Variants in SLC9B1 observed in about 807,000 individuals in gnomAD.
The protein encoded by SLC9B1 is sodium/hydrogen exchanger 9B1.
Under a neutral mutation model 51.7 loss-of-function variants are expected in SLC9B1, and 32 were observed. That is an observed-to-expected ratio of 0.62 (90% CI 0.47 to 0.83). The LOEUF (loss-of-function observed/expected upper bound fraction) is 0.83, where lower values mean the gene tolerates loss of function less well. Among genes scored for constraint, SLC9B1 ranks in the 40% least tolerant of loss-of-function variants. The probability of loss-of-function intolerance (pLI) is 0.00; values close to 1 mark genes in which losing one functional copy is unlikely to be tolerated. For missense variants in SLC9B1, 406 were observed against 613.2 expected, an observed-to-expected ratio of 0.66 and a Z score of 3.57; for synonymous variants, 145 against 212.7, an observed-to-expected ratio of 0.68 and a Z score of 2.77.
At chr4:102,960,946 G>A (rs1418460082) in intron 3 of SLC9B1, among the ~76,000 whole-genome samples, 1 of 151,916 alleles carries the variant, frequency 6.6e-6, no homozygotes, top group South Asian at 2.1e-4. Context: ...TGGTCAGGCT[G>A]CTCTTGAACT....
At chr4:102,971,339 C>T (rs1172820582) in intron 3 of SLC9B1, among the ~76,000 whole-genome samples, 1 of 152,156 alleles carries the variant, frequency 6.6e-6, no homozygotes, top group East Asian at 1.9e-4. Context: ...GAAACTCACT[C>T]AAAACCACAG....
At chr4:102,975,904 T>C (rs1296495329) in intron 3 of SLC9B1, among the ~76,000 whole-genome samples, 1 of 151,798 alleles carries the variant, frequency 6.6e-6, no homozygotes, top group African/African-American at 2.4e-5. Flanking sequence ...TGCATAAATA[T>C]GATATCTTGG....
At chr4:102,940,943 T>A (rs1053550564) in intron 6 of SLC9B1, among the ~76,000 whole-genome samples, 6 of 152,110 alleles carry the variant, frequency 3.9e-5, no homozygotes, top group Non-Finnish European at 7.4e-5. Context: ...GAAACTGGAC[T>A]CCATACGTTT....
chr4:102,962,924 T>C, intron 3 of SLC9B1: 1 of 465,922 alleles, frequency 2.1e-6, no homozygotes, highest in East Asian at 6.9e-5. Context: ...ACCTGAAATA[T>C]TTTTTTACCC....
downstream of SLC9B1, chr4:102,898,330 G>T (rs776708782): frequency 5.5e-5 from 17 of 309,400 alleles, no homozygotes; most frequent in Non-Finnish European, 9.3e-5. Context: ...GAAAAAATTT[G>T]TAAAGTATAA....
At chr4:102,965,859 A>C (rs759686407) in intron 3 of SLC9B1, among the ~76,000 whole-genome samples, 9 of 152,234 alleles carry the variant, frequency 5.9e-5, no homozygotes, top group Non-Finnish European at 1.0e-4. Flanking sequence ...GTCCCATTCC[A>C]AAAGGGAGAA....
At chr4:103,006,062 C>T (rs1740767586) in intron 1 of SLC9B1, among the ~76,000 whole-genome samples, 1 of 151,822 alleles carries the variant, frequency 6.6e-6, no homozygotes, top group Non-Finnish European at 1.5e-5. Context: ...CAAACCAACC[C>T]CAAGGTTAGC....
intron 6 of SLC9B1, among the ~76,000 whole-genome samples, chr4:102,943,506 T>TACACACACACACACACACACAC (rs373442152): frequency 1.1e-4 from 16 of 145,592 alleles, no homozygotes; most frequent in South Asian, 6.6e-4. Context: ...TGTGTATGTA[T>TACACACACACACACACACACAC]ACACACACAC....
At chr4:102,903,385 C>T (rs1270468594) in intron 11 of SLC9B1, among the ~76,000 whole-genome samples, 2 of 152,096 alleles carry the variant, frequency 1.3e-5, no homozygotes. Context: ...CACCATATGC[C>T]AGAGAGAGTG....
intron 3 of SLC9B1, among the ~76,000 whole-genome samples, chr4:102,950,879 C>T (rs1737518822): frequency 6.6e-6 from 1 of 152,172 alleles, no homozygotes; most frequent in Admixed American, 6.5e-5. Flanking sequence ...CCTATAATCC[C>T]AGCTACTTGG....
chr4:102,889,382 C>T (rs1734113741), intron 11 of SLC9B1: 1 of 152,158 alleles, frequency 6.6e-6, no homozygotes, highest in South Asian at 2.1e-4. Flanking sequence ...TTTTGGATAT[C>T]CTGATCTGTG....
intron 3 of SLC9B1, among the ~76,000 whole-genome samples, chr4:102,969,178 G>A (rs1280144658): frequency 1.3e-5 from 2 of 152,242 alleles, no homozygotes; most frequent in African/African-American, 4.8e-5. Flanking sequence ...TCTGAAGAGA[G>A]CAGTGGTTCT....
intron 3 of SLC9B1, among the ~76,000 whole-genome samples, chr4:102,960,565 T>A (rs1235051766): frequency 6.6e-6 from 1 of 152,140 alleles, no homozygotes; most frequent in Non-Finnish European, 1.5e-5. Flanking sequence ...TTTTAGCTCA[T>A]ATGGTTTTTT....
intron 7 of SLC9B1, among the ~76,000 whole-genome samples, chr4:102,924,837 A>G (rs1261386556): frequency 6.6e-6 from 1 of 152,262 alleles, no homozygotes; most frequent in African/African-American, 2.4e-5. Flanking sequence ...GAGAAATGCA[A>G]ATCAAAACCA....
chr4:103,019,567 G>C, intron 1 of SLC9B1, 32 bp downstream of exon 1: 3 of 985,034 alleles, frequency 3.0e-6, no homozygotes, highest in Non-Finnish European at 3.6e-6. Flanking sequence ...CAAAGGGCTT[G>C]GAAGGGCGGC....
downstream of SLC9B1, among the ~76,000 whole-genome samples, chr4:102,896,304 C>T (rs1322810438): frequency 6.6e-6 from 1 of 152,180 alleles, no homozygotes; most frequent in Non-Finnish European, 1.5e-5. Context: ...CCCCAGGATA[C>T]AAACCTGACG....
intron 3 of SLC9B1, among the ~76,000 whole-genome samples, chr4:102,987,063 C>T (rs1739662176): frequency 6.6e-6 from 1 of 151,954 alleles, no homozygotes; most frequent in South Asian, 2.1e-4. Context: ...GTAAAAGGAC[C>T]TGTGGTAAGT....
chr4:102,987,055 A>G (rs1739661838), intron 3 of SLC9B1, among the ~76,000 whole-genome samples: 1 of 152,200 alleles, frequency 6.6e-6, no homozygotes, highest in South Asian at 2.1e-4. Context: ...TGTACTGAGT[A>G]AAAGGACCTG....
At chr4:102,940,539 CA>C (rs1266082181) in intron 6 of SLC9B1, among the ~76,000 whole-genome samples, 1 of 151,706 alleles carries the variant, frequency 6.6e-6, no homozygotes, top group African/African-American at 2.4e-5. Context: ...AACAAACAAA[CA>C]AAAAAAGCCC....
Sources: gnomAD v4.1 joint callset for allele counts (sites outside exome capture counted in the v4.1 genomes callset) on GRCh38, gnomAD v4.1.1 for gene constraint, MANE v1.5 for transcripts, NCBI Gene and HGNC (gene_info 2026-07-23, HGNC 2026-07-21) for gene names.